RNF40: variants seen among roughly 807,000 people sequenced by gnomAD.
RNF40 encodes the protein E3 ubiquitin-protein ligase BRE1B.
In RNF40, 39 loss-of-function variants were observed where a neutral mutation model predicts 123.3. The observed-to-expected ratio is 0.32, with a 90% CI of 0.24 to 0.41. The LOEUF is 0.41. Among genes scored for constraint, RNF40 ranks in the 10% least tolerant of loss-of-function variants. The pLI is 1.00. For synonymous variants in RNF40, 538 were observed against 526.0 expected (o/e 1.02, Z -0.31); for missense variants, 1,003 against 1,319.9 (o/e 0.76, Z 3.72).
At chr16:30,770,547 G>A (rs2054130305) in intron 17 of RNF40, among the ~76,000 whole-genome samples, 1 of 152,186 alleles carries the variant, frequency 6.6e-6, no homozygotes, top group African/African-American at 2.4e-5. Context: ...ACCACTCGCT[G>A]GTGAACTGTA....
At chr16:30,765,148 C>T in intron 6 of RNF40, 33 bp from the exon 7 acceptor site, 1 of 1,612,156 alleles carries the variant, frequency 6.2e-7, no homozygotes, top group Non-Finnish European at 8.5e-7. Flanking sequence ...ACCAAGTCCC[C>T]CATCCAAGCA....
chr16:30,762,286 G>C (rs1349820795), upstream of RNF40: 1 of 477,458 alleles, frequency 2.1e-6, no homozygotes, highest in Non-Finnish European at 3.7e-6. Flanking sequence ...TTGGGGGGGG[G>C]GCAGTGGCGT....
At position 30,766,880 on chromosome 16, in the gene RNF40, T is replaced by G; in HGVS notation, c.1429+4T>G. 6.2e-7 allele frequency: 1 copy of G among 1,612,606 alleles called. No individual in the cohort carries two copies. The highest frequency in any genetic ancestry group is 8.5e-7 in the Non-Finnish European group (1 of 1,179,784). On this transcript the variant is annotated splice_donor_region_variant and intron_variant, in intron 11 of 19. Transcript: ENST00000324685. The surrounding 1 kb of genome is among the most constrained non-coding windows in gnomAD (Gnocchi z 5.4). ...CTGGCGGCCAACGAGCAGGCGGGTA[T>G]GTGGTGAGGATAGGGCGGAGGTGGG...
chr16:30,770,827 T>G (rs2054135514), intron 17 of RNF40, among the ~76,000 whole-genome samples: 1 of 152,162 alleles, frequency 6.6e-6, no homozygotes, highest in Admixed American at 6.5e-5. Context: ...TTCTTCTGCC[T>G]TAGTGTCCCG....
rs1192694330 is a variant in RNF40, at chr16:30,774,098, G to A, written c.2990G>A (p.Arg997His). 3.1e-6 allele frequency: 5 copies of A among 1,613,340 alleles called. No individual in the cohort carries two copies. The highest frequency in any genetic ancestry group is 3.3e-5 in the Admixed American group (2 of 59,938). ...GCCTTTGGTGCCCACGACTTCCATC[G>A]TATCTACATCAGCTGAACCTGAAAC... ...NAAFGAHDFHRIYIS is the reference protein window; with the variant it reads ...NAAFGAHDFHHIYIS The change falls in exon 20 of 20, where the codon CGT (arginine) becomes CAT (histidine). Residue 997 changes from arginine to histidine, a missense_variant. By Grantham distance (29) the Arg-to-His change is conservative. Around this residue, in one of 11 missense-constraint regions of RNF40, gnomAD observed 76 missense variants for 134.1 expected, o/e 0.57. Coordinates refer to ENST00000324685, the MANE Select transcript of RNF40 (RefSeq NM_014771.4).
chr16:30,775,325 T>G lies in RNF40; in HGVS notation c.*1211T>G. On this transcript the variant is annotated 3_prime_UTR_variant, in exon 20 of 20. Coordinates refer to ENST00000324685, the MANE Select transcript of RNF40 (RefSeq NM_014771.4). Reference sequence around the variant, plus strand: ...GCCGGCAGGGATCCCGGACTGGGCCTGAAGGGGAGAGCGTGGTGGTCGTCG... The same window carrying G: ...GCCGGCAGGGATCCCGGACTGGGCCGGAAGGGGAGAGCGTGGTGGTCGTCG... 2 of 296,140 alleles carry G rather than the reference T, an allele frequency of 6.8e-6. No homozygotes were observed. The highest frequency in any genetic ancestry group is 2.9e-5 in the South Asian group (1 of 34,518). The allele number at this position is 296,140 out of a possible 1,614,324, so 18.3% of individuals were successfully genotyped here. A position where few individuals can be genotyped will look rare whatever the true frequency, so the allele number is the denominator to read the frequency against.
Position 30,774,490 on chromosome 16 carries a change from C to A in RNF40, c.*376C>A. 4.4e-6 allele frequency: 1 copy of A among 225,280 alleles called. No individual in the cohort carries two copies. The highest frequency in any genetic ancestry group is 7.6e-5 in the South Asian group (1 of 13,102). 14.0% of individuals were successfully genotyped at this position (225,280 alleles called of 1,614,324 possible). A position where few individuals can be genotyped will look rare whatever the true frequency, so the allele number is the denominator to read the frequency against. ...GCTGTGATCTACCCTAGAGAAGGCT[C>A]GCTCCCTGCCTACTGGCTCACAAAT... On this transcript the variant is annotated 3_prime_UTR_variant, in exon 20 of 20. Transcript: ENST00000324685.
At position 30,764,165 on chromosome 16, in the gene RNF40, T is replaced by C; in HGVS notation, c.443-14T>C. ...CTGCTCTTATCCTCATGAGGGTCTG[T>C]CCATTCCTTCCAGACCCCTTGCTGA... is the stretch of plus-strand genomic sequence containing the variant. On this transcript the variant is annotated splice_polypyrimidine_tract_variant and intron_variant, in intron 4 of 19. Coordinates refer to ENST00000324685, the MANE Select transcript of RNF40 (RefSeq NM_014771.4). 6.3e-7 allele frequency: 1 copy of C among 1,598,222 alleles called. No homozygotes were observed. Among genetic ancestry groups the C allele is most frequent in the Non-Finnish European group, 8.5e-7 (1 of 1,171,032 alleles).
At position 30,762,639 on chromosome 16, in the gene RNF40, C is replaced by G. The variant is rs1482595164; in HGVS notation, c.94C>G (p.Leu32Val). 1.2e-6 allele frequency: 2 copies of G among 1,612,920 alleles called. No homozygotes were observed. Among genetic ancestry groups the G allele is most frequent in the South Asian group, 1.1e-5 (1 of 90,966 alleles). Residue 32 changes from leucine to valine, a missense_variant, in exon 2 of 20, where the codon CTT becomes GTT. Leu to Val is a conservative substitution (Grantham distance 32). This residue lies in a region of RNF40 where 51 missense variants were observed against 56.2 expected (regional missense o/e 0.91). Coordinates refer to ENST00000324685, the MANE Select transcript of RNF40 (RefSeq NM_014771.4). ...LSREEKTTTTLIEPIRLGGIS... is the reference protein window; with the variant it reads ...LSREEKTTTTVIEPIRLGGIS... Reference sequence around the variant, plus strand: ...TCGTGAGGAGAAGACCACCACGACTCTTATCGAGCCCATTCGTCTTGGAGG... The same window carrying G: ...TCGTGAGGAGAAGACCACCACGACTGTTATCGAGCCCATTCGTCTTGGAGG...
At position 30,772,191 on chromosome 16, in the gene RNF40, G is replaced by C; in HGVS notation, c.2829+1G>C. On this transcript the variant is annotated splice_donor_variant, in intron 19 of 19. Coordinates refer to ENST00000324685, the MANE Select transcript of RNF40 (RefSeq NM_014771.4). LOFTEE classifies it high-confidence loss of function. ...CCAGGAGGAGATCAAGGAGTACAAG[G>C]TGGGGCTGTGGGCCAAGTTGTGCCC... The C allele has an allele frequency of 6.5e-7, 1 of 1,550,146 alleles. No homozygotes were observed. The highest frequency in any genetic ancestry group is 8.7e-7 in the Non-Finnish European group (1 of 1,145,456).
chr16:30,774,959 G>C lies in RNF40; in HGVS notation c.*845G>C. On this transcript the variant is annotated 3_prime_UTR_variant, in exon 20 of 20. Coordinates refer to ENST00000324685, the MANE Select transcript of RNF40 (RefSeq NM_014771.4). ...GGGAAGGGACAGACCAGCCCCAGCC[G>C]CTGGGCCAACTTCCAATCATTCCAG... The C allele has an allele frequency of 2.2e-6, 1 of 456,482 alleles. No individual in the cohort carries two copies. The highest frequency in any genetic ancestry group is 4.4e-6 in the Non-Finnish European group (1 of 226,800). The allele number at this position is 456,482 out of a possible 1,614,324, so 28.3% of individuals were successfully genotyped here.
rs925062831 is a variant in RNF40 at position 30,768,550 on chromosome 16, T to G, written c.1979+20T>G. 2 of 1,613,432 alleles carry G rather than the reference T, an allele frequency of 1.2e-6. No homozygotes were observed. Among genetic ancestry groups the G allele is most frequent in the Admixed American group, 3.3e-5 (2 of 60,008 alleles). On this transcript the variant is annotated intron_variant, in intron 13 of 19. Coordinates refer to ENST00000324685, the MANE Select transcript of RNF40 (RefSeq NM_014771.4). The surrounding 1 kb of genome is among the most constrained non-coding windows in gnomAD (Gnocchi z 4.1). ...GCTCAAGTGAGGCTCTGTTCCTGTC[T>G]CCTTCCTGACCCTGCCAGGTGGCCT...
In RNF40 at chr16:30,774,902, T is replaced by G. The variant is rs1184529851; in HGVS notation, c.*788T>G. ...TAACCCTGCTTTCATCCTGGTGGCC[T>G]TAACTACAGTGGAGGTGGAACTTCC... On this transcript the variant is annotated 3_prime_UTR_variant, in exon 20 of 20. Transcript: ENST00000324685. 2.2e-6 allele frequency: 1 copy of G among 455,378 alleles called. No homozygotes were observed. The highest frequency in any genetic ancestry group is 4.4e-6 in the Non-Finnish European group (1 of 226,068). The allele number at this position is 455,378 out of a possible 1,614,324, so 28.2% of individuals were successfully genotyped here.
chr16:30,769,182 G>T lies in RNF40; in HGVS notation c.2248-4G>T. The T allele has an allele frequency of 6.2e-7, 1 of 1,614,074 alleles. No individual in the cohort carries two copies. Among genetic ancestry groups the T allele is most frequent in the South Asian group, 1.1e-5 (1 of 91,062 alleles). ...TCCATCTTGTCTCTGCCCACTTGCT[G>T]CAGGAGGAGGAGGCTCTGCTCTCAG... On this transcript the variant is annotated splice_region_variant and splice_polypyrimidine_tract_variant and intron_variant, in intron 15 of 19. Coordinates refer to ENST00000324685, the MANE Select transcript of RNF40 (RefSeq NM_014771.4).
chr16:30,768,467 C>G lies in RNF40; in HGVS notation c.1916C>G (p.Ala639Gly). The change falls in exon 13 of 20, where the codon GCC becomes GGC. Residue 639 changes from alanine (A) to glycine (G), a missense_variant. Physicochemically the swap from Ala to Gly is moderately conservative, Grantham distance 60. Transcript: ENST00000324685. This position sits in a 1 kb window ranked among gnomAD's most constrained non-coding sequence, Gnocchi z 4.1. The part of the protein sequence containing the change: ...SALSRADREK[A>G]KVEETKRKES... ...CTCTCAAGGGCTGATCGGGAGAAGG[C>G]CAAGGTGGAAGAAACCAAGCGGAAG... 6.2e-7 allele frequency: 1 copy of G among 1,611,086 alleles called. No individual in the cohort carries two copies. The highest frequency in any genetic ancestry group is 8.5e-7 in the Non-Finnish European group (1 of 1,178,334).
chr16:30,764,969 G>A lies in RNF40; in HGVS notation c.681G>A (p.Gln227=), dbSNP rs151018120. ...GDSEPLSEAA[Q]AHTRELGREN... The stretch of plus-strand genomic sequence containing the variant: ...GTGAGCCCCTCAGTGAGGCGGCTCA[G>A]GCACACACCCGAGAGCTGGGCCGTG... The change falls in exon 6 of 20, where the codon CAG becomes CAA. Residue 227 remains glutamine, a synonymous_variant. Transcript: ENST00000324685. The A allele has an allele frequency of 1.3e-5, 21 of 1,612,784 alleles. 1 individual carries two copies. The highest frequency in any genetic ancestry group is 1.9e-4 in the Middle Eastern group (1 of 5,238).
At chr16:30,771,594 G>A (rs552103447) in intron 17 of RNF40, among the ~76,000 whole-genome samples, 1 of 151,984 alleles carries the variant, frequency 6.6e-6, no homozygotes, top group Non-Finnish European at 1.5e-5. Context: ...TCCAGCGTGG[G>A]GGACAGAGTA....
rs1190348636 is a variant in RNF40, at chr16:30,763,150, G to A, written c.165G>A (p.Lys55=). ...TGGACCTGAAGGTACTACAGTTCAA[G>A]AACAAGAAACTGGCAGAGCGGCTGG... ...EEMDLKVLQF[K]NKKLAERLEQ... is the part of the protein sequence containing the mutation. The change falls in exon 3 of 20, where the codon AAG becomes AAA. Residue 55 remains lysine, a synonymous_variant. Coordinates refer to ENST00000324685, the MANE Select transcript of RNF40 (RefSeq NM_014771.4). 20 of 1,613,994 alleles carry A rather than the reference G, an allele frequency of 1.2e-5. No individual in the cohort carries two copies. The highest frequency in any genetic ancestry group is 1.7e-5 in the Non-Finnish European group (20 of 1,180,036).
rs2054055162 is a variant in RNF40, at chr16:30,767,438, G to A, written c.1430-456G>A. Among the ~76,000 whole-genome samples, 2 of 151,922 alleles carry A rather than the reference G, an allele frequency of 1.3e-5. 1 individual carries two copies. Among genetic ancestry groups the A allele is most frequent in the African/African-American group, 4.8e-5 (2 of 41,338 alleles). On this transcript the variant is annotated intron_variant, in intron 11 of 19. Transcript: ENST00000324685. Reference sequence around the variant, plus strand: ...GAAGGTGATATTTAAGAATCTAGAAGAAGTTAACTAACTTTTGTGAATGTT... The same window carrying A: ...GAAGGTGATATTTAAGAATCTAGAAAAAGTTAACTAACTTTTGTGAATGTT...
Sources: allele counts gnomAD v4.1 joint callset (sites outside exome capture counted in the v4.1 genomes callset), GRCh38; gene constraint gnomAD v4.1.1; regional missense constraint gnomAD v4.1.1; non-coding constraint Gnocchi (gnomAD v3.1); transcripts MANE v1.5; gene names NCBI Gene and HGNC (gene_info 2026-07-23, HGNC 2026-07-21).